Variants in SLCO3A1 observed in about 807,000 individuals in gnomAD.
SLCO3A1 encodes the protein PGE1 transporter.
In SLCO3A1, 27 loss-of-function variants were observed where a neutral mutation model predicts 63.1. That is an observed-to-expected ratio of 0.43 (90% CI 0.32 to 0.59). The LOEUF (loss-of-function observed/expected upper bound fraction) is 0.59. SLCO3A1 is among the 20% of genes least tolerant of loss of function. The probability of loss-of-function intolerance (pLI) is 0.09; values close to 1 mark genes in which losing one functional copy is unlikely to be tolerated. For synonymous variants in SLCO3A1, 473 were observed against 409.9 expected, an observed-to-expected ratio of 1.15 and a Z score of -1.86; for missense variants, 773 against 945.8, an observed-to-expected ratio of 0.82 and a Z score of 2.40.
chr15:92,120,693 AAAT>A lies in SLCO3A1; in HGVS notation c.1174+65_1174+67del, dbSNP rs1596118982. 22 of 1,455,136 alleles carry A rather than the reference AAAT, an allele frequency of 1.5e-5. 1 individual carries two copies. In the East Asian group the frequency reaches 5.0e-4, roughly 33 times the overall value. The allele number at this position is 1,455,136 out of a possible 1,614,324, so 90.1% of individuals were successfully genotyped here. ...GGGTGTCCTGTGTGTAAGGCACTAA[AAAT>A]TTACTGAGCCCTGCTGAAGAACCCC... On this transcript the variant is annotated intron_variant, in intron 5 of 9. Coordinates refer to ENST00000318445, the MANE Select transcript of SLCO3A1 (RefSeq NM_013272.4).
rs560165036 is a variant in SLCO3A1, at chr15:92,162,790, C to T, written c.1788C>T (p.Gly596=). 2.9e-5 allele frequency: 47 copies of T among 1,613,888 alleles called. 1 individual carries two copies. The South Asian group carries it at 5.1e-4, about 17-fold the overall frequency. ...FIPPPLIFGA[G]IDSTCLFWST... is the part of the protein sequence containing the mutation. ...CTCCACCCCTCATCTTCGGGGCTGG[C>T]ATCGACTCCACCTGCCTGTTCTGGA... is the stretch of plus-strand genomic sequence containing the variant. Residue 596 remains glycine, a synonymous_variant, in exon 10 of 10, where the codon GGC becomes GGT. Transcript: ENST00000318445.
chr15:91,880,127 GTCCGTCCATCCATCCATCCATCCA>G (rs1403664551), intron 1 of SLCO3A1, among the ~76,000 whole-genome samples: 3 of 124,174 alleles, frequency 2.4e-5, no homozygotes, highest in African/African-American at 1.0e-4. Flanking sequence ...CCGTCCGTCC[GTCCGTCCATCCATCCATCCATCCA>G]TCCATCCATC....
intron 1 of SLCO3A1, among the ~76,000 whole-genome samples, chr15:91,890,010 G>T (rs553247893): frequency 6.6e-6 from 1 of 152,256 alleles, no homozygotes; most frequent in Non-Finnish European, 1.5e-5. Context: ...TCTGCATATA[G>T]TTGTGTATTT....
chr15:92,063,555 G>A (rs992549025), intron 2 of SLCO3A1, among the ~76,000 whole-genome samples: 3 of 152,156 alleles, frequency 2.0e-5, no homozygotes, highest in African/African-American at 7.2e-5. Context: ...TTTAAGTAGT[G>A]TAATGAAACT....
At chr15:92,003,908 G>A (rs2151456018) in intron 2 of SLCO3A1, among the ~76,000 whole-genome samples, 1 of 152,280 alleles carries the variant, frequency 6.6e-6, no homozygotes, top group Middle Eastern at 3.4e-3. Context: ...TGCGCAGCTG[G>A]GGACCTGCTG....
At chr15:91,896,466 C>A (rs1282474817) in intron 1 of SLCO3A1, among the ~76,000 whole-genome samples, 1 of 152,168 alleles carries the variant, frequency 6.6e-6, no homozygotes, top group Non-Finnish European at 1.5e-5. Context: ...AATTGTAGCT[C>A]CATAATCCCC....
At chr15:91,985,665 T>G (rs1355094473) in intron 2 of SLCO3A1, among the ~76,000 whole-genome samples, 1 of 152,178 alleles carries the variant, frequency 6.6e-6, no homozygotes, top group African/African-American at 2.4e-5. Context: ...GGTCCTTACG[T>G]CAGACAATGG....
At position 91,873,616 on chromosome 15, in the gene SLCO3A1, A is replaced by C. The variant is rs114776765; in HGVS notation, c.180+19528A>C. Among the ~76,000 whole-genome samples, 1,196 of 152,102 alleles carry C rather than the reference A, an allele frequency of 7.9e-3. 15 individuals carry two copies. The highest frequency in any genetic ancestry group is 0.028 in the African/African-American group (1,151 of 41,462). On this transcript the variant is annotated intron_variant, in intron 1 of 9. Transcript: ENST00000318445. ...GGACCATTTTAAAGTAAATTATAGA[A>C]ATGATGACACTTCACACCTAAATAC...
intron 2 of SLCO3A1, among the ~76,000 whole-genome samples, chr15:91,939,338 C>T (rs1299576609): frequency 6.6e-6 from 1 of 152,142 alleles, no homozygotes; most frequent in Non-Finnish European, 1.5e-5. Context: ...ATGAGAAATC[C>T]ACTCCCATAA....
chr15:92,126,127 G>A lies in SLCO3A1; in HGVS notation c.1241G>A (p.Ser414Asn). 6.2e-7 allele frequency: 1 copy of A among 1,613,646 alleles called. No individual in the cohort carries two copies. The highest frequency in any genetic ancestry group is 8.5e-7 in the Non-Finnish European group (1 of 1,179,950). ...GGAGGTCTTTTGGTGAAGAAGCTCA[G>A]CCTGTCTGCCCTGGGGGCCATTCGG... ...FLGGLLVKKL[S>N]LSALGAIRMA... The change falls in exon 6 of 10, where the codon AGC becomes AAC. Residue 414 changes from serine (S) to asparagine (N), a missense_variant. Ser to Asn is a conservative substitution (Grantham distance 46). Coordinates refer to ENST00000318445, the MANE Select transcript of SLCO3A1 (RefSeq NM_013272.4).
chr15:92,040,801 A>G lies in SLCO3A1; in HGVS notation c.647-54080A>G, dbSNP rs59761693. Among the ~76,000 whole-genome samples the G allele has an allele frequency of 8.6e-3, 1,307 of 152,256 alleles. 24 individuals carry two copies. The highest frequency in any genetic ancestry group is 0.03 in the African/African-American group (1,241 of 41,540). On this transcript the variant is annotated intron_variant, in intron 2 of 9. Coordinates refer to ENST00000318445, the MANE Select transcript of SLCO3A1 (RefSeq NM_013272.4). ...CTTCTTTAATTACTGTCCTTTGACTATGGGTCTCAAACATCAAAAGTGTCT... is the reference window on the plus strand; with the variant it reads ...CTTCTTTAATTACTGTCCTTTGACTGTGGGTCTCAAACATCAAAAGTGTCT...
chr15:91,956,328 G>A lies in SLCO3A1; in HGVS notation c.646+39870G>A, dbSNP rs75673498. On this transcript the variant is annotated intron_variant, in intron 2 of 9. Coordinates refer to ENST00000318445, the MANE Select transcript of SLCO3A1 (RefSeq NM_013272.4). ...ATGCGAAATGGGCTGTGAGTGTTGG[G>A]GATAAAGCGTGACTCTCAGTTGTGC... Among the ~76,000 whole-genome samples, 1,174 of 152,220 alleles carry A rather than the reference G, an allele frequency of 7.7e-3. 17 individuals are homozygous for A. Among genetic ancestry groups the A allele is most frequent in the African/African-American group, 0.027 (1,127 of 41,542 alleles).
intron 2 of SLCO3A1, among the ~76,000 whole-genome samples, chr15:91,991,286 A>G (rs2046123440): frequency 6.6e-6 from 1 of 152,188 alleles, no homozygotes; most frequent in Non-Finnish European, 1.5e-5. Context: ...GGATCACTTG[A>G]ACCCAGGAGA....
chr15:92,023,911 A>C (rs921564826), intron 2 of SLCO3A1, among the ~76,000 whole-genome samples: 5 of 152,216 alleles, frequency 3.3e-5, no homozygotes, highest in African/African-American at 1.2e-4. Context: ...CAAGGGGCTA[A>C]GATACCTTTT....
chr15:91,867,361 A>T (rs760725243), intron 1 of SLCO3A1, among the ~76,000 whole-genome samples: 5 of 152,166 alleles, frequency 3.3e-5, no homozygotes, highest in Admixed American at 6.5e-5. Context: ...GCTCACCAGT[A>T]TGGGTGCCAC....
chr15:92,151,862 C>T (rs1451009332), intron 9 of SLCO3A1, among the ~76,000 whole-genome samples: 1 of 152,150 alleles, frequency 6.6e-6, no homozygotes, highest in Non-Finnish European at 1.5e-5. Flanking sequence ...CGTATATAAT[C>T]GTGGATAAGC....
intron 2 of SLCO3A1, among the ~76,000 whole-genome samples, chr15:92,076,355 A>G (rs2047276630): frequency 7.5e-6 from 1 of 133,152 alleles, no homozygotes; most frequent in African/African-American, 2.5e-5. Context: ...GCCTCTAGAT[A>G]GGAGGGATTT....
intron 2 of SLCO3A1, among the ~76,000 whole-genome samples, chr15:92,064,494 T>A (rs895600804): frequency 6.6e-6 from 1 of 152,230 alleles, no homozygotes; most frequent in Admixed American, 6.5e-5. Flanking sequence ...GCTTTTGAGG[T>A]CCTACTTAAG....
At chr15:91,964,484 G>A (rs1437525803) in intron 2 of SLCO3A1, among the ~76,000 whole-genome samples, 1 of 151,816 alleles carries the variant, frequency 6.6e-6, no homozygotes, top group African/African-American at 2.4e-5. Context: ...TAATATGTGG[G>A]CAGCTCTGTG....
Sources: allele counts gnomAD v4.1 joint callset (sites outside exome capture counted in the v4.1 genomes callset), GRCh38; gene constraint gnomAD v4.1.1; transcripts MANE v1.5; gene names NCBI Gene and HGNC (gene_info 2026-07-23, HGNC 2026-07-21).